NOVA1: variants seen among roughly 807,000 people sequenced by gnomAD.
NOVA1 encodes the protein NOVA alternative splicing regulator 1, also known as RNA-binding protein Nova-1.
A neutral mutation model predicts 38.0 loss-of-function variants in NOVA1; 7 were observed. The observed-to-expected ratio is 0.18, with a 90% confidence interval of 0.10 to 0.35. The LOEUF is 0.35. Among genes scored for constraint, NOVA1 ranks in the 10% least tolerant of loss-of-function variants. The pLI, the probability that NOVA1 is intolerant of heterozygous loss-of-function variation, is 1.00. For synonymous variants in NOVA1, 270 were observed against 232.5 expected (o/e 1.16, Z -1.47); for missense variants, 460 against 616.0 (o/e 0.75, Z 2.68).
At chr14:26,459,108 C>A (rs1883439804) in intron 4 of NOVA1, among the ~76,000 whole-genome samples, 2 of 152,048 alleles carry the variant, frequency 1.3e-5, no homozygotes, top group South Asian at 2.1e-4. Flanking sequence ...ACTGACTCAC[C>A]CAGAGCAATT....
rs138402808 is a variant in NOVA1, at chr14:26,528,252, C to A, written c.281-48109G>T. ...CTAACCTGTTGACTCTTTTACTGTCCTGTTATGCTTACTAGGTTTAGGCAG... is the reference window on the plus strand; with the variant it reads ...CTAACCTGTTGACTCTTTTACTGTCATGTTATGCTTACTAGGTTTAGGCAG... On this transcript the variant is annotated intron_variant, in intron 2 of 4. Transcript: ENST00000539517. 4.8e-4 allele frequency among the ~76,000 whole-genome samples: 73 copies of A among 152,212 alleles called. No individual in the cohort carries two copies. The Middle Eastern group carries it at 0.01, about 21-fold the overall frequency.
intron 2 of NOVA1, among the ~76,000 whole-genome samples, chr14:26,488,969 A>G (rs551326038): frequency 3.3e-5 from 5 of 152,102 alleles, no homozygotes; most frequent in Non-Finnish European, 2.9e-5. Context: ...TGTGATACCA[A>G]CTCAAGCTAA....
chr14:26,458,237 A>T (rs921640641), intron 4 of NOVA1, among the ~76,000 whole-genome samples: 5 of 152,174 alleles, frequency 3.3e-5, no homozygotes, highest in African/African-American at 1.2e-4. Flanking sequence ...GGGAATGTAA[A>T]TTAGTTCAGC....
chr14:26,565,247 T>A (rs1332741143), intron 2 of NOVA1, among the ~76,000 whole-genome samples: 1 of 152,178 alleles, frequency 6.6e-6, no homozygotes, highest in Admixed American at 6.5e-5. Context: ...TTACCCTTTT[T>A]GAAATACAGG....
chr14:26,479,738 G>A lies in NOVA1; in HGVS notation c.447+239C>T, dbSNP rs1885287248. On this transcript the variant is annotated intron_variant, in intron 3 of 4. Coordinates refer to ENST00000539517, the MANE Select transcript of NOVA1 (RefSeq NM_002515.3). ...TAAATTTAAAAAGGGCAATCACTAA[G>A]AGTCACATAAGTGCTCCTCAATGTA... is the stretch of plus-strand genomic sequence containing the variant. The A allele has an allele frequency of 9.8e-6, 4 of 406,550 alleles. No homozygotes were observed. In the South Asian group the frequency reaches 3.7e-4, roughly 37 times the overall value. The allele number at this position is 406,550 out of a possible 1,614,324, so 25.2% of individuals were successfully genotyped here. A position where few individuals can be genotyped will look rare whatever the true frequency, so the allele number is the denominator to read the frequency against.
chr14:26,580,229 A>G (rs1018958520), intron 2 of NOVA1, among the ~76,000 whole-genome samples: 1 of 152,152 alleles, frequency 6.6e-6, no homozygotes, highest in African/African-American at 2.4e-5. Context: ...AGATCATGAA[A>G]GACAATATTA....
rs763502878 is a variant in NOVA1 at position 26,448,596 on chromosome 14, C to G, written c.887G>C (p.Gly296Ala). 1.2e-6 allele frequency: 2 copies of G among 1,614,184 alleles called. No homozygotes were observed. The highest frequency in any genetic ancestry group is 3.3e-5 in the Admixed American group (2 of 60,012). Residue 296 changes from glycine (G) to alanine (A), a missense_variant, in exon 5 of 5, where the codon GGC (glycine) becomes GCC (alanine). Physicochemically the swap from Gly to Ala is moderately conservative, Grantham distance 60. Transcript: ENST00000539517. This position sits in a 1 kb window ranked among gnomAD's most constrained non-coding sequence, Gnocchi z 5.3. ...AGLLGHANLAGVAAFPAVLSG... is the reference protein window; with the variant it reads ...AGLLGHANLAAVAAFPAVLSG... ...TAAAACTGCTGGAAAGGCTGCAACGCCAGCAAGGTTAGCATGTCCTAATAG... is the reference window on the plus strand; with the variant it reads ...TAAAACTGCTGGAAAGGCTGCAACGGCAGCAAGGTTAGCATGTCCTAATAG...
intron 4 of NOVA1, among the ~76,000 whole-genome samples, chr14:26,458,372 T>C (rs113988142): frequency 0.021 from 3,236 of 152,200 alleles, 103 homozygotes; most frequent in African/African-American, 0.074. Context: ...AAAAGACACA[T>C]GTACTAGTAT....
intron 2 of NOVA1, among the ~76,000 whole-genome samples, chr14:26,509,517 C>T (rs1887897213): frequency 6.6e-6 from 1 of 151,900 alleles, no homozygotes; most frequent in Admixed American, 6.6e-5. Flanking sequence ...CATTGTAATG[C>T]GATTGACAGA....
At chr14:26,562,448 T>C (rs1891885189) in intron 2 of NOVA1, among the ~76,000 whole-genome samples, 1 of 152,184 alleles carries the variant, frequency 6.6e-6, no homozygotes, top group African/African-American at 2.4e-5. Flanking sequence ...CTGCTAAGTA[T>C]GGCAGATGAG....
rs929394916 is a variant in NOVA1, at chr14:26,510,016, T to C, written c.281-29873A>G. On this transcript the variant is annotated intron_variant, in intron 2 of 4. Coordinates refer to ENST00000539517, the MANE Select transcript of NOVA1 (RefSeq NM_002515.3). Reference sequence around the variant, plus strand: ...TCATTCAGAGTACACAGTACAGACATAAGAGAATAGAGTCAAGGCTAGATC... The same window carrying C: ...TCATTCAGAGTACACAGTACAGACACAAGAGAATAGAGTCAAGGCTAGATC... 3.3e-5 allele frequency among the ~76,000 whole-genome samples: 5 copies of C among 151,884 alleles called. No individual in the cohort carries two copies. The South Asian group carries it at 1.0e-3, about 31-fold the overall frequency.
intron 2 of NOVA1, among the ~76,000 whole-genome samples, chr14:26,594,763 T>C (rs1470470416): frequency 2.9e-5 from 2 of 68,936 alleles, no homozygotes; most frequent in Admixed American, 1.9e-4. Flanking sequence ...CATATTCCAG[T>C]AGGTTACTGT....
intron 2 of NOVA1, among the ~76,000 whole-genome samples, chr14:26,561,061 G>T (rs1348679906): frequency 1.3e-5 from 2 of 152,146 alleles, no homozygotes; most frequent in African/African-American, 2.4e-5. Context: ...TAAGGAGTGT[G>T]CAACCTAGAT....
intron 2 of NOVA1, among the ~76,000 whole-genome samples, chr14:26,591,791 T>TA (rs1566565553): frequency 1.3e-5 from 2 of 151,592 alleles, no homozygotes; most frequent in East Asian, 1.9e-4. Flanking sequence ...TTTTATGATT[T>TA]AAAAAAATGT....
intron 2 of NOVA1, among the ~76,000 whole-genome samples, chr14:26,536,104 G>A (rs1024434269): frequency 1.3e-5 from 2 of 152,048 alleles, no homozygotes; most frequent in African/African-American, 2.4e-5. Flanking sequence ...AAATAAGACA[G>A]GCATAGAACG....
At chr14:26,597,183 T>C (rs1894247546) in intron 1 of NOVA1, 118 bp downstream of exon 1, 2 of 1,059,194 alleles carry the variant, frequency 1.9e-6, no homozygotes, top group African/African-American at 1.8e-5. Context: ...GGGTTCGGGC[T>C]GGAGGTGTCC....
chr14:26,586,908 GT>G (rs558343568), intron 2 of NOVA1, among the ~76,000 whole-genome samples: 3,400 of 132,476 alleles, frequency 0.026, 47 homozygotes, highest in African/African-American at 0.039. Context: ...CATCATCTCA[GT>G]TTTTTTTTTT....
chr14:26,570,309 T>C (rs1892392136), intron 2 of NOVA1, among the ~76,000 whole-genome samples: 1 of 151,850 alleles, frequency 6.6e-6, no homozygotes, highest in Non-Finnish European at 1.5e-5. Context: ...ATCGCGCCAC[T>C]GCACTCCAGC....
intron 2 of NOVA1, among the ~76,000 whole-genome samples, chr14:26,542,520 T>TA (rs766868174): frequency 1.3e-5 from 2 of 151,838 alleles, no homozygotes; most frequent in African/African-American, 2.4e-5. Flanking sequence ...TTATTTAGGG[T>TA]AATCACTCAA....
Sources: allele counts gnomAD v4.1 joint callset (sites outside exome capture counted in the v4.1 genomes callset), GRCh38; gene constraint gnomAD v4.1.1; non-coding constraint Gnocchi (gnomAD v3.1); transcripts MANE v1.5; gene names NCBI Gene and HGNC (gene_info 2026-07-23, HGNC 2026-07-21).